The following CSNK2A2 variants were observed in gnomAD, a reference collection of about 807,000 sequenced individuals.
CSNK2A2 encodes casein kinase 2 alpha 2.
A neutral mutation model predicts 54.0 loss-of-function variants in CSNK2A2; 8 were observed. The ratio of observed to expected loss-of-function variants is 0.15; its 90% CI spans 0.09 to 0.27. CSNK2A2 has a LOEUF of 0.27. Ranked by LOEUF, CSNK2A2 falls within the 10% of genes least tolerant of loss-of-function variation. CSNK2A2 has a pLI of 1.00. For missense variants in CSNK2A2, 242 were observed against 439.4 expected, an observed-to-expected ratio of 0.55 and a Z score of 4.02; for synonymous variants, 141 against 153.9, an observed-to-expected ratio of 0.92 and a Z score of 0.62.
At chr16:58,174,292 T>G (rs890333697) in intron 5 of CSNK2A2, 159 bp downstream of exon 5, 3 of 550,336 alleles carry the variant, frequency 5.5e-6, no homozygotes, top group Admixed American at 7.7e-5. Flanking sequence ...AGTTTCTATG[T>G]GAAGATTCCT....
At chr16:58,192,907 T>C (rs1291918338) in intron 2 of CSNK2A2, 2 of 152,286 alleles carry the variant, frequency 1.3e-5, no homozygotes, top group African/African-American at 2.4e-5. Flanking sequence ...TGGGTTCTAA[T>C]GGTTTCTAGG....
At chr16:58,161,616 G>A (rs1023928820) in intron 11 of CSNK2A2, 2 of 151,208 alleles carry the variant, frequency 1.3e-5, no homozygotes, top group African/African-American at 4.9e-5. Flanking sequence ...GACCATCTCC[G>A]AATCTAGGTA....
rs529614647 is a variant in CSNK2A2 at position 58,184,932 on chromosome 16, T to G, written c.319-622A>C. 3.3e-5 allele frequency among the ~76,000 whole-genome samples: 5 copies of G among 152,300 alleles called. No individual in the cohort carries two copies. In the South Asian group the frequency reaches 1.0e-3, roughly 32 times the overall value. On this transcript the variant is annotated intron_variant, in intron 3 of 11. Coordinates refer to ENST00000262506, the MANE Select transcript of CSNK2A2 (RefSeq NM_001896.4). ...GCCTTGGCTAGAGACCATTAAAGAT[T>G]GTCTCATCTTATCAAGCAGACCTGT... is the stretch of plus-strand genomic sequence containing the variant.
rs1309166193 is a variant in CSNK2A2 at position 58,184,299 on chromosome 16, T to C, written c.330A>G (p.Pro110=). Residue 110 remains proline (P), a synonymous_variant, in exon 4 of 12, where the codon CCA becomes CCG. Coordinates refer to ENST00000262506, the MANE Select transcript of CSNK2A2 (RefSeq NM_001896.4). The part of the protein sequence containing the change: ...DTVKDPVSKT[P]ALVFEYINNT... ...TATTGATATATTCAAATACCAAAGC[T>C]GGTGTCTTTGACTGTAAAAGAGAAT... The C allele has an allele frequency of 2.5e-6, 4 of 1,599,466 alleles. No homozygotes were observed. Among genetic ancestry groups the C allele is most frequent in the Non-Finnish European group, 3.4e-6 (4 of 1,168,734 alleles).
intron 6 of CSNK2A2, 35 bp from the exon 7 acceptor site, chr16:58,167,830 G>C: frequency 6.5e-7 from 1 of 1,544,594 alleles, no homozygotes; most frequent in East Asian, 2.2e-5. Flanking sequence ...TGTGAAAGGA[G>C]TGTTTCTAGA....
intron 2 of CSNK2A2, among the ~76,000 whole-genome samples, chr16:58,188,823 T>G (rs1962257650): frequency 6.6e-6 from 1 of 152,124 alleles, no homozygotes; most frequent in South Asian, 2.1e-4. Context: ...TGTGTGTGTA[T>G]ATGAGAGAGA....
At chr16:58,164,717 CT>C (rs1472018067) in intron 10 of CSNK2A2, among the ~76,000 whole-genome samples, 4 of 152,138 alleles carry the variant, frequency 2.6e-5, no homozygotes, top group Non-Finnish European at 5.9e-5. Flanking sequence ...TCTGAGTTTC[CT>C]GGGGCTGAGG....
At chr16:58,193,130 T>C (rs1379932443) in intron 2 of CSNK2A2, among the ~76,000 whole-genome samples, 1 of 152,214 alleles carries the variant, frequency 6.6e-6, no homozygotes, top group Non-Finnish European at 1.5e-5. Flanking sequence ...CTTAGATAAA[T>C]ACCACTAATG....
At chr16:58,196,999 A>G (rs1962472374) in intron 1 of CSNK2A2, 155 bp from the exon 2 acceptor site, 1 of 655,802 alleles carries the variant, frequency 1.5e-6, no homozygotes, top group African/African-American at 1.8e-5. Context: ...GCCACGACAT[A>G]ATCTTGGCTC....
chr16:58,166,615 G>A lies in CSNK2A2; in HGVS notation c.796C>T (p.Leu266=), dbSNP rs780524052. The part of the protein sequence containing the change: ...YGYLKKYHID[L]DPHFNDILGQ... The stretch of plus-strand genomic sequence containing the variant: ...AGGATATCGTTGAAGTGTGGATCTA[G>A]GTCTATGTGATACTTCTTCAGATAC... The change falls in exon 9 of 12, where the codon CTA becomes TTA. Residue 266 remains leucine (L), a synonymous_variant. Coordinates refer to ENST00000262506, the MANE Select transcript of CSNK2A2 (RefSeq NM_001896.4). 6.2e-7 allele frequency: 1 copy of A among 1,612,730 alleles called. No individual in the cohort carries two copies. The highest frequency in any genetic ancestry group is 8.5e-7 in the Non-Finnish European group (1 of 1,178,958).
At chr16:58,186,576 G>T (rs1232812101) in intron 3 of CSNK2A2, among the ~76,000 whole-genome samples, 179 bp downstream of exon 3, 1 of 152,148 alleles carries the variant, frequency 6.6e-6, no homozygotes, top group African/African-American at 2.4e-5. Flanking sequence ...CCATCACAGT[G>T]GTGGTAGCTG....
At chr16:58,163,340 T>C (rs781056146) in intron 11 of CSNK2A2, 2 of 151,410 alleles carry the variant, frequency 1.3e-5, no homozygotes, top group Non-Finnish European at 1.5e-5. Context: ...AAGGTTATAG[T>C]GAGCTCCAAG....
At chr16:58,163,253 C>CAAAAAAAAAAAAAAAAAAAAAAAAAAAAA (rs55808367) in intron 11 of CSNK2A2, 1 of 66,592 alleles carries the variant, frequency 1.5e-5, no homozygotes, top group Non-Finnish European at 2.8e-5. Flanking sequence ...ACAAGGCTGC[C>CAAAAAAAAAAAAAAAAAAAAAAAAAAAAA]AAAAAAAAAA....
At chr16:58,185,006 T>A (rs563134954) in intron 3 of CSNK2A2, among the ~76,000 whole-genome samples, 8 of 152,342 alleles carry the variant, frequency 5.3e-5, no homozygotes, top group African/African-American at 1.7e-4. Flanking sequence ...CTATAATCTT[T>A]AATCCAATGA....
At chr16:58,172,386 C>T (rs1301655862) in intron 5 of CSNK2A2, among the ~76,000 whole-genome samples, 2 of 152,180 alleles carry the variant, frequency 1.3e-5, no homozygotes, top group African/African-American at 2.4e-5. Flanking sequence ...GGGCAGACCT[C>T]CTTGAATCTG....
chr16:58,163,810 T>C (rs1212798207), intron 11 of CSNK2A2: 5 of 358,690 alleles, frequency 1.4e-5, no homozygotes, highest in Middle Eastern at 7.1e-4. Context: ...CTATCTCCCA[T>C]GCATTCCAAA....
chr16:58,167,839 G>T, intron 6 of CSNK2A2, 44 bp from the exon 7 acceptor site: 1 of 1,476,052 alleles, frequency 6.8e-7, no homozygotes, highest in Non-Finnish European at 9.5e-7. Flanking sequence ...AGTGTTTCTA[G>T]ACGCCTATGC....
intron 2 of CSNK2A2, among the ~76,000 whole-genome samples, chr16:58,190,527 A>G (rs1476435361): frequency 6.6e-6 from 1 of 152,202 alleles, no homozygotes; most frequent in Non-Finnish European, 1.5e-5. Context: ...CTATATAAAA[A>G]TATTATCTGA....
chr16:58,194,867 G>C (rs192730563), intron 2 of CSNK2A2, among the ~76,000 whole-genome samples: 5 of 151,894 alleles, frequency 3.3e-5, no homozygotes, highest in Admixed American at 6.6e-5. Context: ...GCAGCAATGC[G>C]ATGCTCTCCT....
Sources: gnomAD v4.1 joint callset for allele counts (sites outside exome capture counted in the v4.1 genomes callset) on GRCh38, gnomAD v4.1.1 for gene constraint, MANE v1.5 for transcripts, NCBI Gene and HGNC (gene_info 2026-07-23, HGNC 2026-07-21) for gene names.